Variants in SUMF1 observed in about 807,000 individuals in gnomAD.
SUMF1 encodes the protein sulfatase modifying factor 1.
Under a neutral mutation model 47.6 loss-of-function variants are expected in SUMF1, and 48 were observed. The ratio of observed to expected loss-of-function variants is 1.01; its 90% CI spans 0.80 to 1.28. SUMF1 has a LOEUF of 1.28. SUMF1 is among the 50% of genes most tolerant of loss of function. The pLI is 0.00. For synonymous variants in SUMF1, 230 were observed against 192.1 expected (o/e 1.20, Z -1.63); for missense variants, 571 against 485.4 (o/e 1.18, Z -1.66).
intron 9 of SUMF1, among the ~76,000 whole-genome samples, chr3:4,043,678 T>C (rs1694951018): frequency 6.6e-6 from 1 of 152,126 alleles, no homozygotes; most frequent in African/African-American, 2.4e-5. Flanking sequence ...ACTTTATTTC[T>C]CCATAGGAAA....
intron 7 of SUMF1, among the ~76,000 whole-genome samples, chr3:4,381,108 A>G (rs985377008): frequency 3.9e-5 from 6 of 152,196 alleles, no homozygotes; most frequent in African/African-American, 1.4e-4. Flanking sequence ...TGCCCAATAC[A>G]TTGACAAGGA....
intron 8 of SUMF1, among the ~76,000 whole-genome samples, chr3:4,204,651 G>A (rs754661863): frequency 6.6e-6 from 1 of 151,830 alleles, no homozygotes; most frequent in Non-Finnish European, 1.5e-5. Flanking sequence ...TGATCTTATA[G>A]GCATGCTTCA....
chr3:4,149,344 A>G (rs1008342721), intron 8 of SUMF1, among the ~76,000 whole-genome samples: 18 of 152,254 alleles, frequency 1.2e-4, no homozygotes, highest in South Asian at 4.2e-4. Flanking sequence ...TTCAAAGGTA[A>G]TTCTGACTAT....
At chr3:4,264,398 T>C (rs982510383) in intron 8 of SUMF1, among the ~76,000 whole-genome samples, 1 of 152,180 alleles carries the variant, frequency 6.6e-6, no homozygotes, top group Non-Finnish European at 1.5e-5. Context: ...AATGTCCCAG[T>C]TCCTTTCTCA....
chr3:4,040,332 C>T (rs1208260778), intron 9 of SUMF1, among the ~76,000 whole-genome samples: 1 of 152,110 alleles, frequency 6.6e-6, no homozygotes, highest in Non-Finnish European at 1.5e-5. Context: ...AGGCCTATTG[C>T]TACTAACTCA....
At chr3:4,346,388 A>G (rs1258782387) in intron 8 of SUMF1, among the ~76,000 whole-genome samples, 1 of 152,136 alleles carries the variant, frequency 6.6e-6, no homozygotes, top group Non-Finnish European at 1.5e-5. Context: ...TCAAAACCAC[A>G]CAATTTCATG....
intron 6 of SUMF1, among the ~76,000 whole-genome samples, 188 bp from the exon 7 acceptor site, chr3:4,411,166 T>C (rs1470795823): frequency 2.0e-5 from 3 of 152,174 alleles, no homozygotes; most frequent in African/African-American, 7.2e-5. Context: ...TTTGAGCTCT[T>C]AGAGGAATTC....
rs34424851 is a variant in SUMF1 at position 4,463,067 on chromosome 3, C to CA, written c.270+3908dup. Among the ~76,000 whole-genome samples, 603 of 152,096 alleles carry CA rather than the reference C, an allele frequency of 4.0e-3. 5 individuals are homozygous for CA. The highest frequency in any genetic ancestry group is 0.014 in the African/African-American group (581 of 41,498). On this transcript the variant is annotated intron_variant, in intron 1 of 8. Transcript: ENST00000272902. ...GGCAGTTTCTCAATACTGTATCCAC[C>CA]AAAAAAGGAAACACAGGTCATTCAA...
chr3:4,193,987 C>T (rs2587907), intron 8 of SUMF1, among the ~76,000 whole-genome samples: 114,009 of 152,022 alleles, frequency 0.75, 43,521 homozygotes, highest in African/African-American at 0.9. Flanking sequence ...CGTAAGTATG[C>T]CAAAAAACAA....
intron 8 of SUMF1, among the ~76,000 whole-genome samples, chr3:4,370,729 T>C (rs910244253): frequency 6.6e-6 from 1 of 152,206 alleles, no homozygotes; most frequent in Non-Finnish European, 1.5e-5. Context: ...ACAAAAAGTT[T>C]GCTGGAATAC....
chr3:4,308,729 A>C (rs1401973437), intron 8 of SUMF1, among the ~76,000 whole-genome samples: 2 of 152,230 alleles, frequency 1.3e-5, no homozygotes, highest in Non-Finnish European at 2.9e-5. Context: ...TCAAGACCAT[A>C]GTCACAGAGT....
intron 8 of SUMF1, among the ~76,000 whole-genome samples, chr3:4,149,900 T>C (rs1694279139): frequency 6.6e-6 from 1 of 152,124 alleles, no homozygotes; most frequent in African/African-American, 2.4e-5. Flanking sequence ...TTATAAGAAA[T>C]GCATCACCTC....
chr3:4,143,433 G>C (rs1423190552), intron 8 of SUMF1, among the ~76,000 whole-genome samples: 2 of 152,024 alleles, frequency 1.3e-5, no homozygotes, highest in Non-Finnish European at 2.9e-5. Context: ...ATAATGAGAA[G>C]GTCAGATAGT....
intron 3 of SUMF1, among the ~76,000 whole-genome samples, chr3:4,444,016 C>G (rs1029719673): frequency 2.0e-5 from 3 of 152,104 alleles, no homozygotes; most frequent in African/African-American, 7.2e-5. Flanking sequence ...CACCAACACA[C>G]AGTCTAGTGA....
At chr3:4,232,891 CAG>C (rs1696332416) in intron 8 of SUMF1, among the ~76,000 whole-genome samples, 1 of 152,098 alleles carries the variant, frequency 6.6e-6, no homozygotes, top group Admixed American at 6.6e-5. Context: ...CAAATCCCCA[CAG>C]AGTCATTGGG....
At chr3:4,229,285 G>T in intron 8 of SUMF1, 1 of 356,826 alleles carries the variant, frequency 2.8e-6, no homozygotes, top group Non-Finnish European at 5.5e-6. Context: ...TCATATGCTA[G>T]CAACTAGGTG....
chr3:4,045,779 C>T (rs902420537), intron 9 of SUMF1, among the ~76,000 whole-genome samples: 22 of 152,120 alleles, frequency 1.4e-4, no homozygotes, highest in African/African-American at 5.1e-4. Flanking sequence ...GTGTTCTTCA[C>T]AAGAAACTAA....
intron 8 of SUMF1, among the ~76,000 whole-genome samples, chr3:4,278,016 A>G (rs184643999): frequency 2.8e-4 from 42 of 152,264 alleles, no homozygotes; most frequent in Non-Finnish European, 3.8e-4. Flanking sequence ...TACAAAATGA[A>G]TTTCTTTTTT....
At chr3:4,416,434 C>T (rs1181028584) in intron 6 of SUMF1, among the ~76,000 whole-genome samples, 4 of 152,052 alleles carry the variant, frequency 2.6e-5, no homozygotes, top group African/African-American at 9.7e-5. Context: ...CTGATATAGG[C>T]AGGAAAAAAT....
Sources: gnomAD v4.1 joint callset for allele counts (sites outside exome capture counted in the v4.1 genomes callset) on GRCh38, gnomAD v4.1.1 for gene constraint, MANE v1.5 for transcripts, NCBI Gene and HGNC (gene_info 2026-07-23, HGNC 2026-07-21) for gene names.